Variants in COL4A5 observed in about 807,000 individuals in gnomAD.
COL4A5 encodes the protein collagen type IV alpha 5 chain.
A neutral mutation model predicts 130.2 loss-of-function variants in COL4A5; 26 were observed. That is an observed-to-expected ratio of 0.20 (90% CI 0.15 to 0.28). The LOEUF (loss-of-function observed/expected upper bound fraction) is 0.28, where lower values mean the gene tolerates loss of function less well. Among genes scored for constraint, COL4A5 ranks in the 10% least tolerant of loss-of-function variants. The pLI, the probability that COL4A5 is intolerant of heterozygous loss-of-function variation, is 1.00. For missense variants in COL4A5, 1,131 were observed against 1,344.3 expected (o/e 0.84, Z 2.48); for synonymous variants, 496 against 439.6 (o/e 1.13, Z -1.60).
chrX:108,607,008 G>T (rs1305267625), intron 29 of COL4A5, 116 bp downstream of exon 29: 1 of 717,784 alleles, frequency 1.4e-6, no homozygotes, highest in African/African-American at 2.1e-5. Flanking sequence ...CTGCCATTCT[G>T]TTACTGCTAC....
chrX:108,652,266 T>C (rs1020841892), intron 36 of COL4A5, among the ~76,000 whole-genome samples: 2 of 112,363 alleles, frequency 1.8e-5, no homozygotes, highest in Non-Finnish European at 3.8e-5. Context: ...AAAGTATCTC[T>C]GCATGCACTT....
rs371130625 is a variant in COL4A5 at position 108,674,760 on chromosome X, C to T, written c.3808+7C>T. On this transcript the variant is annotated splice_region_variant and intron_variant, in intron 43 of 52. Coordinates refer to ENST00000328300, the MANE Select transcript of COL4A5 (RefSeq NM_033380.3). ...ATCTTCCCAGGTTTTCAAGGTTAGA[C>T]TCTTCACTGGTCAATTCTTTTTTTT... 8.1e-4 allele frequency: 952 copies of T among 1,172,061 alleles called. No individual in the cohort carries two copies. Among genetic ancestry groups the T allele is most frequent in the Non-Finnish European group, 1.1e-3 (919 of 873,037 alleles).
At chrX:108,607,731 C>T (rs1309392419) in intron 29 of COL4A5, among the ~76,000 whole-genome samples, 1 of 111,184 alleles carries the variant, frequency 9.0e-6, no homozygotes, top group Non-Finnish European at 1.9e-5. Context: ...ATCCGCCCGC[C>T]TCGGCCTCTC....
intron 1 of COL4A5, among the ~76,000 whole-genome samples, chrX:108,456,393 TATAA>T (rs1294013405): frequency 8.9e-6 from 1 of 112,315 alleles, no homozygotes; most frequent in African/African-American, 3.2e-5. Context: ...TATACAGTAA[TATAA>T]ATATAGTCTC....
intron 16 of COL4A5, among the ~76,000 whole-genome samples, 176 bp downstream of exon 16, chrX:108,581,203 G>A (rs2066243211): frequency 1.8e-5 from 2 of 111,617 alleles, no homozygotes; most frequent in South Asian, 7.5e-4. Flanking sequence ...AAAAAATTTT[G>A]TGAGTACATA....
At chrX:108,574,596 G>T (rs985698327) in intron 9 of COL4A5, among the ~76,000 whole-genome samples, 1 of 111,354 alleles carries the variant, frequency 9.0e-6, no homozygotes, top group African/African-American at 3.3e-5. Context: ...CTAAGCAATA[G>T]AATATTTAGC....
At chrX:108,681,391 A>G (rs1035803491) in intron 46 of COL4A5, among the ~76,000 whole-genome samples, 1 of 109,768 alleles carries the variant, frequency 9.1e-6, no homozygotes, top group Non-Finnish European at 1.9e-5. Context: ...GGACAAGCAC[A>G]GCAAGCAAAA....
At chrX:108,674,154 AC>A (rs1423633287) in intron 42 of COL4A5, among the ~76,000 whole-genome samples, 6 of 111,584 alleles carry the variant, frequency 5.4e-5, no homozygotes, top group Admixed American at 4.8e-4. Flanking sequence ...AAGCAAAAGT[AC>A]AGTTGGTAAT....
In COL4A5 at chrX:108,580,990, C is replaced by T. The variant is rs375377003; in HGVS notation, c.899C>T (p.Pro300Leu). ...EQGEPGKRGK[P>L]GKDGENGQPG... ...TTTCTTTGTATCCTATAGGGTAAAC[C>T]AGGCAAAGATGGAGAAAATGGCCAA... The change falls in exon 16 of 53, where the codon CCA (proline) becomes CTA (leucine). Residue 300 changes from proline to leucine, a missense_variant. Coordinates refer to ENST00000328300, the MANE Select transcript of COL4A5 (RefSeq NM_033380.3). 104 of 1,206,513 alleles carry T rather than the reference C, an allele frequency of 8.6e-5. No homozygotes were observed. Among genetic ancestry groups the T allele is most frequent in the Admixed American group, 1.5e-4 (7 of 45,590 alleles).
intron 19 of COL4A5, 109 bp from the exon 20 acceptor site, chrX:108,590,949 A>G: frequency 2.7e-6 from 2 of 739,195 alleles, no homozygotes; most frequent in Admixed American, 6.7e-5. Flanking sequence ...AAAATAACAT[A>G]ACCAGAATTA....
intron 37 of COL4A5, among the ~76,000 whole-genome samples, chrX:108,657,650 T>C (rs1410587475): frequency 9.0e-6 from 1 of 111,619 alleles, no homozygotes; most frequent in Non-Finnish European, 1.9e-5. Flanking sequence ...GGTATTGAGT[T>C]TGATTTAACA....
chrX:108,647,355 T>A (rs1346769743), intron 36 of COL4A5, among the ~76,000 whole-genome samples: 5 of 111,329 alleles, frequency 4.5e-5, no homozygotes, highest in South Asian at 7.6e-4. Flanking sequence ...TGTGAATGGG[T>A]CTTCACTCAT....
At chrX:108,498,715 A>G (rs1230426485) in intron 1 of COL4A5, among the ~76,000 whole-genome samples, 1 of 111,476 alleles carries the variant, frequency 9.0e-6, no homozygotes, top group Non-Finnish European at 1.9e-5. Flanking sequence ...TTTTCATAGC[A>G]TAGGTTTTGC....
At chrX:108,590,005 A>G (rs2066404435) in intron 19 of COL4A5, among the ~76,000 whole-genome samples, 1 of 112,153 alleles carries the variant, frequency 8.9e-6, no homozygotes, top group Admixed American at 9.5e-5. Context: ...AAAATAAGAC[A>G]TATATGTGGC....
rs1292186579 is a variant in COL4A5, at chrX:108,686,274, G to A, written c.4315+145G>A. ...GTGAATGTGGACCTGAGGAAAATAG[G>A]AAAGCACATAATAAGGAGATTTGTC... On this transcript the variant is annotated intron_variant, in intron 48 of 52. Coordinates refer to ENST00000328300, the MANE Select transcript of COL4A5 (RefSeq NM_033380.3). 5.9e-6 allele frequency: 3 copies of A among 510,062 alleles called. No individual in the cohort carries two copies. The East Asian group carries it at 1.1e-4, about 19-fold the overall frequency. 42.0% of individuals were successfully genotyped at this position (510,062 alleles called of 1,213,427 possible). A position where few individuals can be genotyped will look rare whatever the true frequency, so the allele number is the denominator to read the frequency against.
At chrX:108,654,766 T>A (rs1274408273) in intron 36 of COL4A5, among the ~76,000 whole-genome samples, 1 of 112,721 alleles carries the variant, frequency 8.9e-6, no homozygotes, top group Non-Finnish European at 1.9e-5. Flanking sequence ...ACTGAAGAAT[T>A]GATAGACTTC....
chrX:108,466,079 A>G (rs1408253715), intron 1 of COL4A5, among the ~76,000 whole-genome samples: 1 of 111,472 alleles, frequency 9.0e-6, no homozygotes, highest in Non-Finnish European at 1.9e-5. Flanking sequence ...ATTGTACATC[A>G]TCCCTTTTTA....
intron 1 of COL4A5, among the ~76,000 whole-genome samples, chrX:108,518,387 G>C (rs768500625): frequency 4.5e-5 from 5 of 111,147 alleles, no homozygotes; most frequent in Non-Finnish European, 9.5e-5. Flanking sequence ...GGATTTTTAA[G>C]GTTAAACTAC....
chrX:108,585,067 G>A (rs1193420093), intron 18 of COL4A5, among the ~76,000 whole-genome samples: 4 of 111,781 alleles, frequency 3.6e-5, no homozygotes, highest in Non-Finnish European at 5.7e-5. Context: ...TGAGGGTGGC[G>A]GAGCTACAGA....
Sources: gnomAD v4.1 joint callset for allele counts (sites outside exome capture counted in the v4.1 genomes callset) on GRCh38, gnomAD v4.1.1 for gene constraint, MANE v1.5 for transcripts, NCBI Gene and HGNC (gene_info 2026-07-23, HGNC 2026-07-21) for gene names.